Variants in AK5 observed in about 807,000 individuals in gnomAD.
AK5 encodes the protein adenylate kinase isoenzyme 5.
In AK5, 27 loss-of-function variants were observed where a neutral mutation model predicts 69.5. That is an observed-to-expected ratio of 0.39 (90% CI 0.29 to 0.54). The LOEUF is 0.54. Ranked by LOEUF, AK5 falls within the 20% of genes least tolerant of loss-of-function variation. The probability of loss-of-function intolerance (pLI) is 0.71; values close to 1 mark genes in which losing one functional copy is unlikely to be tolerated. For missense variants in AK5, 531 were observed against 700.4 expected, an observed-to-expected ratio of 0.76 and a Z score of 2.73; for synonymous variants, 260 against 244.4, an observed-to-expected ratio of 1.06 and a Z score of -0.60.
chr1:77,337,963 TTA>T lies in AK5; in HGVS notation c.700-2412_700-2411del, dbSNP rs1557507784. 2.1e-4 allele frequency among the ~76,000 whole-genome samples: 30 copies of T among 141,808 alleles called. 3 individuals are homozygous for T. Among genetic ancestry groups the T allele is most frequent in the Admixed American group, 2.9e-4 (4 of 14,034 alleles). The allele number at this position is 141,808 out of a possible 152,430, so 93.0% of individuals were successfully genotyped here. A position where few individuals can be genotyped will look rare whatever the true frequency, so the allele number is the denominator to read the frequency against. ...GAGACATCTGAACAATGTTTTCTTTTTATTTTTTTTTTTTTTTTGAGACAGAG... is the reference window on the plus strand; with the variant it reads ...GAGACATCTGAACAATGTTTTCTTTTTTTTTTTTTTTTTTTTGAGACAGAG... On this transcript the variant is annotated intron_variant, in intron 5 of 13. Transcript: ENST00000354567.
chr1:77,480,174 T>G (rs1655175893), intron 8 of AK5, among the ~76,000 whole-genome samples: 1 of 151,900 alleles, frequency 6.6e-6, no homozygotes, highest in South Asian at 2.1e-4. Flanking sequence ...CCAGATTAAT[T>G]TTGTTTACAA....
At chr1:77,336,611 A>G (rs1257679470) in intron 5 of AK5, among the ~76,000 whole-genome samples, 4 of 152,130 alleles carry the variant, frequency 2.6e-5, no homozygotes, top group Non-Finnish European at 4.4e-5. Context: ...CTACAGTATT[A>G]TAATATTCTG....
rs1553126256 is a variant in AK5 at position 77,282,169 on chromosome 1, G to GGAGAGGCTGAGCT, written c.-141_-129dup. 1.6e-6 allele frequency: 1 copy of GGAGAGGCTGAGCT among 643,440 alleles called. No homozygotes were observed. The highest frequency in any genetic ancestry group is 2.5e-6 in the Non-Finnish European group (1 of 402,690). 39.9% of individuals were successfully genotyped at this position (643,440 alleles called of 1,614,324 possible). A position where few individuals can be genotyped will look rare whatever the true frequency, so the allele number is the denominator to read the frequency against. On this transcript the variant is annotated 5_prime_UTR_variant, in exon 1 of 14. Transcript: ENST00000354567. ...GGCGGAGGGGGTCCCTGGCCTGGGC[G>GGAGAGGCTGAGCT]GAGAGGCTGAGCTGAGTGCGCGTGA...
chr1:77,469,232 G>T (rs1212176145), intron 8 of AK5, among the ~76,000 whole-genome samples: 1 of 152,150 alleles, frequency 6.6e-6, no homozygotes, highest in Non-Finnish European at 1.5e-5. Flanking sequence ...ACAGTTTTGT[G>T]TGTCAACTTT....
chr1:77,403,778 G>A (rs11162335), intron 6 of AK5, among the ~76,000 whole-genome samples: 34,552 of 152,040 alleles, frequency 0.23, 4,019 homozygotes, highest in Middle Eastern at 0.37. Flanking sequence ...TTGGCAATGC[G>A]GGCTCTTTTT....
At chr1:77,368,245 A>ATATATATGTTACATATAT (rs1553140334) in intron 6 of AK5, among the ~76,000 whole-genome samples, 1 of 67,906 alleles carries the variant, frequency 1.5e-5, no homozygotes, top group South Asian at 5.5e-4. Context: ...ATATATATAT[A>ATATATATGTTACATATAT]TATATATAAT....
chr1:77,420,203 C>G (rs1480106210), intron 8 of AK5: 1 of 152,074 alleles, frequency 6.6e-6, no homozygotes, highest in Non-Finnish European at 1.5e-5. Context: ...CCACATTAAT[C>G]AGGATGGTCC....
At position 77,543,100 on chromosome 1, in the gene AK5, C is replaced by T. The variant is rs77984385; in HGVS notation, c.1620+7062C>T. Among the ~76,000 whole-genome samples the T allele has an allele frequency of 3.0e-3, 455 of 152,228 alleles. 5 individuals carry two copies. Among genetic ancestry groups the T allele is most frequent in the African/African-American group, 0.011 (438 of 41,532 alleles). ...CATTAGGTCCTGAAATGCAATGGTC[C>T]ACATTGTTCTGGTCACCATGCTGTC... On this transcript the variant is annotated intron_variant, in intron 13 of 13. Transcript: ENST00000354567.
At chr1:77,327,149 G>C (rs573663557) in intron 5 of AK5, among the ~76,000 whole-genome samples, 2 of 152,248 alleles carry the variant, frequency 1.3e-5, no homozygotes, top group East Asian at 3.9e-4. Context: ...CACTTTGAAA[G>C]GCCAAGGTGG....
chr1:77,471,607 A>G (rs1041034735), intron 8 of AK5, among the ~76,000 whole-genome samples: 1 of 152,226 alleles, frequency 6.6e-6, no homozygotes, highest in Non-Finnish European at 1.5e-5. Flanking sequence ...TCTAGAAACC[A>G]TAGAACTTGT....
intron 5 of AK5, among the ~76,000 whole-genome samples, chr1:77,321,448 AATAG>A (rs1660526963): frequency 2.0e-5 from 3 of 152,176 alleles, no homozygotes; most frequent in Admixed American, 1.3e-4. Flanking sequence ...CAGCATGGGC[AATAG>A]ATAGAGCGAG....
intron 5 of AK5, among the ~76,000 whole-genome samples, chr1:77,305,858 G>T (rs1659605025): frequency 6.6e-6 from 1 of 151,796 alleles, no homozygotes; most frequent in Admixed American, 6.6e-5. Flanking sequence ...TTTTAGAGTT[G>T]TTTTTTTCTA....
At chr1:77,505,382 G>C (rs1237862933) in intron 10 of AK5, among the ~76,000 whole-genome samples, 2 of 152,206 alleles carry the variant, frequency 1.3e-5, no homozygotes, top group East Asian at 3.8e-4. Flanking sequence ...AGAGCAGACA[G>C]ATTCCCAAAG....
chr1:77,311,765 TG>T (rs1659976410), intron 5 of AK5, among the ~76,000 whole-genome samples: 1 of 152,124 alleles, frequency 6.6e-6, no homozygotes. Context: ...TCAAATTGGT[TG>T]ATGAAACCCT....
At chr1:77,303,740 C>T (rs1289318802) in intron 5 of AK5, among the ~76,000 whole-genome samples, 1 of 152,202 alleles carries the variant, frequency 6.6e-6, no homozygotes, top group African/African-American at 2.4e-5. Flanking sequence ...GAACAACTGC[C>T]CTGGGACATT....
chr1:77,341,575 C>T (rs1570409183), intron 6 of AK5, among the ~76,000 whole-genome samples: 1 of 152,330 alleles, frequency 6.6e-6, no homozygotes, highest in African/African-American at 2.4e-5. Flanking sequence ...ATCCAGAGAG[C>T]TCCTGTGATC....
intron 11 of AK5, among the ~76,000 whole-genome samples, chr1:77,519,066 A>G (rs1245785988): frequency 6.6e-6 from 1 of 152,210 alleles, no homozygotes; most frequent in East Asian, 1.9e-4. Flanking sequence ...CTAGAATTAG[A>G]AACCCCCAGA....
At position 77,558,660 on chromosome 1, in the gene AK5, C is replaced by T. The variant is rs77198824; in HGVS notation, c.1679C>T (p.Ser560Phe). The T allele has an allele frequency of 1.3e-6, 2 of 1,592,460 alleles. No individual in the cohort carries two copies. The highest frequency in any genetic ancestry group is 1.1e-5 in the South Asian group (1 of 90,436). The change falls in exon 14 of 14, where the codon TCT becomes TTT. Residue 560 changes from serine to phenylalanine, a missense_variant. Physicochemically the swap from Ser to Phe is radical, Grantham distance 155. Coordinates refer to ENST00000354567, the MANE Select transcript of AK5 (RefSeq NM_174858.3). ...CTTCAACTCTGCACAGCTATTGACT[C>T]TATTTTCTGAAGGCAAAAATGCATG... The part of the protein sequence containing the change: ...VFLQLCTAID[S>F]IF
intron 6 of AK5, among the ~76,000 whole-genome samples, chr1:77,347,807 TC>T (rs1396650652): frequency 6.6e-6 from 1 of 152,238 alleles, no homozygotes; most frequent in East Asian, 1.9e-4. Flanking sequence ...CATTTATAGC[TC>T]ATCCTGGCAA....
Sources: allele counts gnomAD v4.1 joint callset (sites outside exome capture counted in the v4.1 genomes callset), GRCh38; gene constraint gnomAD v4.1.1; transcripts MANE v1.5; gene names NCBI Gene and HGNC (gene_info 2026-07-23, HGNC 2026-07-21).